Variants in GCSAML observed in about 807,000 individuals in gnomAD.
The protein encoded by GCSAML is germinal center associated signaling and motility like.
A neutral mutation model predicts 13.0 loss-of-function variants in GCSAML; 9 were observed. The ratio of observed to expected loss-of-function variants is 0.69; its 90% CI spans 0.42 to 1.21. The LOEUF (loss-of-function observed/expected upper bound fraction) is 1.21, where lower values mean the gene tolerates loss of function less well. GCSAML is among the 50% of genes most tolerant of loss of function. GCSAML has a pLI of 0.00. For synonymous variants in GCSAML, 37 were observed against 52.9 expected (o/e 0.70, Z 1.31); for missense variants, 143 against 153.4 (o/e 0.93, Z 0.36).
intron 2 of GCSAML, chr1:247,532,592 C>T: frequency 7.8e-7 from 1 of 1,282,836 alleles, no homozygotes; most frequent in South Asian, 1.4e-5. Flanking sequence ...GCAATTACAT[C>T]AGTTAGCAAA....
At chr1:247,521,570 C>T (rs996972911) in intron 1 of GCSAML, among the ~76,000 whole-genome samples, 9 of 152,166 alleles carry the variant, frequency 5.9e-5, no homozygotes, top group South Asian at 2.1e-4. Context: ...TTGGTGGAGA[C>T]GGGGTTTCGC....
At chr1:247,535,959 T>C (rs1667201968) in intron 2 of GCSAML, among the ~76,000 whole-genome samples, 1 of 152,236 alleles carries the variant, frequency 6.6e-6, no homozygotes, top group African/African-American at 2.4e-5. Context: ...AAATTTTGTC[T>C]GAGTTAACTA....
intron 1 of GCSAML, among the ~76,000 whole-genome samples, chr1:247,517,951 A>G (rs1376813300): frequency 6.6e-6 from 1 of 152,212 alleles, no homozygotes. Flanking sequence ...GTTTGTGGTC[A>G]GCACGGCCTT....
chr1:247,550,631 T>A (rs543943872), intron 1 of GCSAML, among the ~76,000 whole-genome samples: 14 of 149,906 alleles, frequency 9.3e-5, no homozygotes, highest in African/African-American at 3.3e-4. Flanking sequence ...AGCAAGACTC[T>A]GTCTCAAATA....
chr1:247,556,366 G>A (rs993562496), intron 1 of GCSAML, 41 bp from the exon 2 acceptor site: 10 of 1,385,150 alleles, frequency 7.2e-6, no homozygotes, highest in Non-Finnish European at 1.0e-5. Flanking sequence ...AATGTGGAGG[G>A]CAGTAACAAT....
intron 2 of GCSAML, 84 bp from the exon 3 acceptor site, chr1:247,563,506 A>T: frequency 1.4e-6 from 1 of 737,254 alleles, no homozygotes; most frequent in South Asian, 1.8e-5. Flanking sequence ...CCTTAGGTTA[A>T]GGGCAACCAA....
rs1404937880 is a variant in GCSAML at position 247,527,101 on chromosome 1, G to A, written c.-148+47G>A. The A allele has an allele frequency of 4.4e-6, 2 of 455,978 alleles. No homozygotes were observed. Among genetic ancestry groups the A allele is most frequent in the African/African-American group, 2.0e-5 (1 of 50,034 alleles). The allele number at this position is 455,978 out of a possible 1,614,324, so 28.2% of individuals were successfully genotyped here. A position where few individuals can be genotyped will look rare whatever the true frequency, so the allele number is the denominator to read the frequency against. On this transcript the variant is annotated intron_variant, in intron 2 of 5. Coordinates refer to the GCSAML transcript ENST00000366489. This position sits in a 1 kb window ranked among gnomAD's most constrained non-coding sequence, Gnocchi z 4.6. ...TATTTCCTTGGGTTCTGGAGAGGAT[G>A]TCTTCATTTTCTGTTAAGCATTTAG...
At chr1:247,550,382 A>T (rs1010406468) in intron 1 of GCSAML, among the ~76,000 whole-genome samples, 3 of 152,168 alleles carry the variant, frequency 2.0e-5, no homozygotes, top group Admixed American at 2.0e-4. Context: ...TCATGTCTGT[A>T]ATCCCAGCAC....
chr1:247,534,726 A>G (rs1572325141), intron 2 of GCSAML, among the ~76,000 whole-genome samples: 1 of 152,226 alleles, frequency 6.6e-6, no homozygotes, highest in South Asian at 2.1e-4. Context: ...TTAAAATCCC[A>G]GAGAGTAGAA....
At chr1:247,531,736 A>C (rs770566998) in intron 2 of GCSAML, 1 of 1,614,212 alleles carries the variant, frequency 6.2e-7, no homozygotes, top group Admixed American at 1.7e-5. Flanking sequence ...CTGGAGATAC[A>C]TGAAGATGAT....
At chr1:247,543,155 A>G (rs941877960) in intron 2 of GCSAML, among the ~76,000 whole-genome samples, 1 of 152,218 alleles carries the variant, frequency 6.6e-6, no homozygotes, top group Non-Finnish European at 1.5e-5. Flanking sequence ...GATATAATAT[A>G]AGTAATTGTC....
Position 247,576,962 on chromosome 1 carries a change from G to A in GCSAML, c.*2580G>A, listed in dbSNP as rs1668861520. Reference sequence around the variant, plus strand: ...GGGGCAAGCAATAGGTTAATAAACAGTATTGATTGGTAGAAGGAACGTTGA... The same window carrying A: ...GGGGCAAGCAATAGGTTAATAAACAATATTGATTGGTAGAAGGAACGTTGA... On this transcript the variant is annotated 3_prime_UTR_variant, in exon 5 of 5. Coordinates refer to ENST00000366488, the MANE Select transcript of GCSAML (RefSeq NM_145278.5). The A allele has an allele frequency of 6.6e-6, 1 of 152,144 alleles. No homozygotes were observed. The highest frequency in any genetic ancestry group is 2.4e-5 in the African/African-American group (1 of 41,438). 9.4% of individuals were successfully genotyped at this position (152,144 alleles called of 1,614,324 possible).
chr1:247,539,568 TTAAAA>T (rs1278079182), intron 2 of GCSAML, among the ~76,000 whole-genome samples: 1 of 152,162 alleles, frequency 6.6e-6, no homozygotes, highest in African/African-American at 2.4e-5. Flanking sequence ...TATGAAAATC[TTAAAA>T]TAAACTAGAA....
At chr1:247,554,705 G>A (rs987154998) in intron 1 of GCSAML, among the ~76,000 whole-genome samples, 1 of 152,030 alleles carries the variant, frequency 6.6e-6, no homozygotes, top group African/African-American at 2.4e-5. Context: ...GCCTAGACAG[G>A]TACACTTTTG....
At chr1:247,548,949 A>T, upstream of GCSAML, 3 of 837,474 alleles carry the variant, frequency 3.6e-6, no homozygotes, top group Non-Finnish European at 5.4e-6. The surrounding 1 kb of genome is among the most constrained non-coding windows in gnomAD (Gnocchi z 5.3). Context: ...TGTGTGTATG[A>T]GTGTGTGTGT....
At chr1:247,517,727 A>G (rs1666261846) in intron 1 of GCSAML, among the ~76,000 whole-genome samples, 1 of 152,180 alleles carries the variant, frequency 6.6e-6, no homozygotes, top group Non-Finnish European at 1.5e-5. Context: ...CTAGATAACC[A>G]GCAGGCAAGT....
intron 1 of GCSAML, among the ~76,000 whole-genome samples, chr1:247,521,112 C>CT (rs1666399994): frequency 7.8e-5 from 6 of 76,736 alleles, no homozygotes; most frequent in African/African-American, 2.4e-4. Context: ...TACATTCTTG[C>CT]ATTTTTTTTT....
At chr1:247,540,643 C>T (rs889188180) in intron 2 of GCSAML, among the ~76,000 whole-genome samples, 1 of 152,146 alleles carries the variant, frequency 6.6e-6, no homozygotes, top group African/African-American at 2.4e-5. Flanking sequence ...GATGTGTGAG[C>T]AGATGTATGA....
rs367656208 is a variant in GCSAML, at chr1:247,556,395, G to C, written c.30-12G>C. 6.3e-7 allele frequency: 1 copy of C among 1,596,926 alleles called. No individual in the cohort carries two copies. The highest frequency in any genetic ancestry group is 2.2e-5 in the East Asian group (1 of 44,778). On this transcript the variant is annotated splice_polypyrimidine_tract_variant and intron_variant, in intron 1 of 4. Transcript: ENST00000366488. The stretch of plus-strand genomic sequence containing the variant: ...TAACAATCTCTCTTTTTTCTTATGT[G>C]TTTCCATATAGTTGCCTGGGAGAGA...
Sources: allele counts gnomAD v4.1 joint callset (sites outside exome capture counted in the v4.1 genomes callset), GRCh38; gene constraint gnomAD v4.1.1; non-coding constraint Gnocchi (gnomAD v3.1); transcripts MANE v1.5; gene names NCBI Gene and HGNC (gene_info 2026-07-23, HGNC 2026-07-21).